LRMDA: variants seen among roughly 807,000 people sequenced by gnomAD.
LRMDA encodes the protein leucine rich melanocyte differentiation associated.
A neutral mutation model predicts 29.8 loss-of-function variants in LRMDA; 18 were observed. The ratio of observed to expected loss-of-function variants is 0.60; its 90% CI spans 0.42 to 0.90. The LOEUF is 0.90. Ranked by LOEUF, LRMDA falls within the 40% of genes least tolerant of loss-of-function variation. LRMDA has a pLI of 0.00. For missense variants in LRMDA, 273 were observed against 273.9 expected, an observed-to-expected ratio of 1.00 and a Z score of 0.02; for synonymous variants, 125 against 109.4, an observed-to-expected ratio of 1.14 and a Z score of -0.89.
intron 5 of LRMDA, among the ~76,000 whole-genome samples, chr10:76,316,490 G>A (rs150338277): frequency 3.3e-5 from 5 of 152,290 alleles, no homozygotes; most frequent in African/African-American, 1.2e-4. Context: ...CCAGCTGAGC[G>A]CAGCCTGCTG....
chr10:75,629,179 T>G (rs1286088178), intron 2 of LRMDA, among the ~76,000 whole-genome samples: 7 of 152,306 alleles, frequency 4.6e-5, no homozygotes, highest in Admixed American at 6.5e-5. Context: ...TCCTCTCATC[T>G]GAGAAGAAAA....
chr10:75,996,903 T>C (rs991834328), intron 2 of LRMDA, among the ~76,000 whole-genome samples: 2 of 152,058 alleles, frequency 1.3e-5, no homozygotes, highest in Non-Finnish European at 2.9e-5. Flanking sequence ...CGGCTAATTT[T>C]TTGTACTTTT....
At chr10:75,462,655 TGA>T in intron 2 of LRMDA, among the ~76,000 whole-genome samples, 1 of 152,252 alleles carries the variant, frequency 6.6e-6, no homozygotes, top group South Asian at 2.1e-4. Context: ...TAATATTTCC[TGA>T]GTAACAGGAT....
chr10:76,181,525 A>T (rs1344940882), intron 5 of LRMDA, among the ~76,000 whole-genome samples: 1 of 152,150 alleles, frequency 6.6e-6, no homozygotes, highest in East Asian at 1.9e-4. Context: ...GGAAGAGTAC[A>T]TTTATTTGGA....
At chr10:75,806,095 GA>G (rs1021271750) in intron 2 of LRMDA, among the ~76,000 whole-genome samples, 1 of 152,138 alleles carries the variant, frequency 6.6e-6, no homozygotes, top group African/African-American at 2.4e-5. Flanking sequence ...GGGAAAGACA[GA>G]GAGGCAGGGG....
chr10:76,060,694 T>C (rs1214518186), intron 5 of LRMDA, among the ~76,000 whole-genome samples: 1 of 152,246 alleles, frequency 6.6e-6, no homozygotes, highest in Non-Finnish European at 1.5e-5. Context: ...AGAGCAGGAC[T>C]GTTCTGTTGA....
intron 2 of LRMDA, among the ~76,000 whole-genome samples, chr10:75,842,691 T>G (rs1844561803): frequency 6.6e-6 from 1 of 152,170 alleles, no homozygotes; most frequent in Non-Finnish European, 1.5e-5. Context: ...TGTGTGTACA[T>G]GCTGGGTCAC....
intron 5 of LRMDA, among the ~76,000 whole-genome samples, chr10:76,274,007 G>A (rs1447632458): frequency 6.6e-6 from 1 of 151,988 alleles, no homozygotes; most frequent in South Asian, 2.1e-4. Context: ...GACAAAGCAG[G>A]ATATATATTT....
At chr10:76,239,820 TG>T (rs1564696728) in intron 5 of LRMDA, among the ~76,000 whole-genome samples, 2 of 152,098 alleles carry the variant, frequency 1.3e-5, no homozygotes, top group Admixed American at 1.3e-4. Context: ...CATTACCTCC[TG>T]AGATGCATAA....
In LRMDA at chr10:76,016,818, C is replaced by T. The variant is rs114925170; in HGVS notation, c.132-19190C>T. Among the ~76,000 whole-genome samples, 1,215 of 152,242 alleles carry T rather than the reference C, an allele frequency of 8.0e-3. 16 individuals carry two copies. The highest frequency in any genetic ancestry group is 0.027 in the African/African-American group (1,129 of 41,538). ...TGGGTTTAAGGAGGTTGGATTTGAC[C>T]GCCGCATCAGTGCTCAGGGTCCTCA... On this transcript the variant is annotated intron_variant, in intron 2 of 6. Transcript: ENST00000611255.
intron 2 of LRMDA, among the ~76,000 whole-genome samples, chr10:75,608,116 A>G (rs1589202446): frequency 1.3e-5 from 1 of 78,364 alleles, no homozygotes; most frequent in South Asian, 3.4e-4. Flanking sequence ...GTGTGTATAT[A>G]TATATATATA....
At chr10:76,139,355 A>G (rs1850155896) in intron 5 of LRMDA, among the ~76,000 whole-genome samples, 2 of 152,308 alleles carry the variant, frequency 1.3e-5, no homozygotes, top group South Asian at 2.1e-4. Context: ...AATTTTTTGC[A>G]TATTATCCTA....
intron 6 of LRMDA, among the ~76,000 whole-genome samples, chr10:76,343,108 G>T (rs1476359843): frequency 2.0e-5 from 3 of 152,166 alleles, no homozygotes; most frequent in Non-Finnish European, 2.9e-5. Flanking sequence ...GTGCAGATAG[G>T]CTGTTGTGAG....
chr10:75,694,595 C>T (rs1459031436), intron 2 of LRMDA, among the ~76,000 whole-genome samples: 2 of 152,174 alleles, frequency 1.3e-5, no homozygotes, highest in Non-Finnish European at 2.9e-5. Flanking sequence ...ACTTTTTAAT[C>T]TCTAATAGAG....
At chr10:76,209,064 G>A (rs1178634805) in intron 5 of LRMDA, among the ~76,000 whole-genome samples, 3 of 152,046 alleles carry the variant, frequency 2.0e-5, no homozygotes, top group African/African-American at 7.2e-5. Flanking sequence ...TGAAGCAGGA[G>A]AATCACTTGA....
intron 2 of LRMDA, among the ~76,000 whole-genome samples, chr10:75,755,144 C>T (rs1843016352): frequency 6.6e-6 from 1 of 152,064 alleles, no homozygotes; most frequent in African/African-American, 2.4e-5. Context: ...TCCTTCCCTT[C>T]ATCTACTGTC....
At chr10:75,746,395 A>G (rs1383668709) in intron 2 of LRMDA, among the ~76,000 whole-genome samples, 1 of 152,198 alleles carries the variant, frequency 6.6e-6, no homozygotes, top group African/African-American at 2.4e-5. Flanking sequence ...TTTCGTTCAA[A>G]CTACCATGAA....
At chr10:75,625,199 A>T (rs1198680160) in intron 2 of LRMDA, among the ~76,000 whole-genome samples, 2 of 152,150 alleles carry the variant, frequency 1.3e-5, no homozygotes, top group East Asian at 3.8e-4. Flanking sequence ...ATAATAGTTA[A>T]TGGTGTGTTG....
intron 2 of LRMDA, among the ~76,000 whole-genome samples, chr10:75,810,864 G>C (rs1052117912): frequency 5.3e-5 from 8 of 152,214 alleles, no homozygotes; most frequent in African/African-American, 1.9e-4. Context: ...CACCTTATCA[G>C]GGTTACCCTG....
Sources: gnomAD v4.1 joint callset for allele counts (sites outside exome capture counted in the v4.1 genomes callset) on GRCh38, gnomAD v4.1.1 for gene constraint, MANE v1.5 for transcripts, NCBI Gene and HGNC (gene_info 2026-07-23, HGNC 2026-07-21) for gene names.